The following ITGA10 variants were observed in gnomAD, a reference collection of about 807,000 sequenced individuals.
ITGA10 encodes the protein integrin alpha-10.
A neutral mutation model predicts 145.2 loss-of-function variants in ITGA10; 105 were observed. That is an observed-to-expected ratio of 0.72 (90% confidence interval 0.62 to 0.85). ITGA10 has a LOEUF of 0.85. ITGA10 is among the 40% of genes least tolerant of loss of function. The pLI is 0.00. For missense variants in ITGA10, 1,317 were observed against 1,444.5 expected (o/e 0.91, Z 1.43); for synonymous variants, 506 against 557.8 (o/e 0.91, Z 1.31).
At chr1:145,893,463 A>T in intron 28 of ITGA10, 77 bp downstream of exon 28, 1 of 1,222,060 alleles carries the variant, frequency 8.2e-7, no homozygotes, top group East Asian at 2.5e-5. Flanking sequence ...CTTCGTTCTG[A>T]AAAAGCCCAC....
In ITGA10 at chr1:145,893,553, G is replaced by A. The variant is rs1048665297; in HGVS notation, c.3311C>T (p.Ser1104Phe). The change falls in exon 28 of 30, where the codon TCC (serine) becomes TTC (phenylalanine). Residue 1104 changes from serine (S) to phenylalanine (F), a missense_variant. Physicochemically the swap from Ser to Phe is radical, Grantham distance 155. Transcript: ENST00000369304. ...EGSVLQLTEA[S>F]RWSESLLEVV... ...CTCCAGCCCTACCTCACTCCAACGG[G>A]AGGCTTCAGTCAGCTGTAGGACACT... The A allele has an allele frequency of 1.9e-6, 3 of 1,611,446 alleles. No individual in the cohort carries two copies. The highest frequency in any genetic ancestry group is 1.3e-5 in the African/African-American group (1 of 74,940).
intron 7 of ITGA10, among the ~76,000 whole-genome samples, chr1:145,903,627 C>G (rs974408315): frequency 6.6e-6 from 1 of 151,694 alleles, no homozygotes; most frequent in Non-Finnish European, 1.5e-5. Flanking sequence ...GCACTCCAAA[C>G]CTGCCCTAAC....
At position 145,891,597 on chromosome 1, in the gene ITGA10, T is replaced by C. The variant is rs1174769503; in HGVS notation, c.*1201A>G. On this transcript the variant is annotated 3_prime_UTR_variant, in exon 30 of 30. Transcript: ENST00000369304. Reference sequence around the variant, plus strand: ...GAGTGGGTTGGGGAGGGATCAGAGATAGAAATTAACCTGGAGATTTCCAGT... The same window carrying C: ...GAGTGGGTTGGGGAGGGATCAGAGACAGAAATTAACCTGGAGATTTCCAGT... 3.3e-5 allele frequency: 5 copies of C among 152,290 alleles called. No individual in the cohort carries two copies. Among genetic ancestry groups the C allele is most frequent in the Admixed American group, 1.3e-4 (2 of 15,266 alleles). The allele number at this position is 152,290 out of a possible 1,614,324, so 9.4% of individuals were successfully genotyped here. A position where few individuals can be genotyped will look rare whatever the true frequency, so the allele number is the denominator to read the frequency against.
chr1:145,903,500 G>A (rs1222275734), intron 7 of ITGA10, among the ~76,000 whole-genome samples: 1 of 152,130 alleles, frequency 6.6e-6, no homozygotes. Context: ...CACAGACATA[G>A]ATACTTTGTA....
intron 17 of ITGA10, 108 bp from the exon 18 acceptor site, chr1:145,898,331 A>G (rs1655734935): frequency 1.9e-6 from 1 of 519,322 alleles, no homozygotes; most frequent in Non-Finnish European, 3.5e-6. Flanking sequence ...TAAGATCTTA[A>G]CTGTATTACT....
chr1:145,907,689 G>A, intron 1 of ITGA10: 1 of 655,734 alleles, frequency 1.5e-6, no homozygotes, highest in Non-Finnish European at 1.9e-6. Flanking sequence ...CTGCCATGCT[G>A]ATGTACAGCT....
In ITGA10 at chr1:145,902,796, A is replaced by G. The variant is rs1559206755; in HGVS notation, c.909+15T>C. The G allele has an allele frequency of 6.3e-7, 1 of 1,599,988 alleles. No individual in the cohort carries two copies. Among genetic ancestry groups the G allele is most frequent in the Non-Finnish European group, 8.5e-7 (1 of 1,173,366 alleles). On this transcript the variant is annotated intron_variant, in intron 8 of 29. Transcript: ENST00000369304. ...GCCACTCCCCAACTCTTCCAGATCC[A>G]GGGTGAATTCTCACTGCAATCCCAT...
chr1:145,900,112 C>T lies in ITGA10; in HGVS notation c.1867G>A (p.Gly623Arg), dbSNP rs1553747458. Residue 623 changes from glycine to arginine, a missense_variant, in exon 15 of 30, where the codon GGA becomes AGA. Transcript: ENST00000369304. ...ACAGCCACATCGACCAGATCATCTC[C>T]ATCCAGATCTAGCCGACCATCCACA... ...RSVDGRLDLD[G>R]DDLVDVAVGA... 6.2e-7 allele frequency: 1 copy of T among 1,613,988 alleles called. No individual in the cohort carries two copies. The highest frequency in any genetic ancestry group is 1.7e-5 in the Admixed American group (1 of 59,998).
chr1:145,904,154 A>G lies in ITGA10; in HGVS notation c.656T>C (p.Leu219Pro), dbSNP rs782677332. The G allele has an allele frequency of 6.2e-7, 1 of 1,614,142 alleles. No homozygotes were observed. Among genetic ancestry groups the G allele is most frequent in the Admixed American group, 1.7e-5 (1 of 60,018 alleles). Residue 219 changes from leucine (L) to proline (P), a missense_variant, in exon 7 of 30, where the codon CTG becomes CCG. Coordinates refer to ENST00000369304, the MANE Select transcript of ITGA10 (RefSeq NM_003637.5). ...TTCTTCCTTCGTTCGGAAATCTCCCAGGGACCACTCATGTACAGGGCTCTC... is the reference window on the plus strand; with the variant it reads ...TTCTTCCTTCGTTCGGAAATCTCCCGGGGACCACTCATGTACAGGGCTCTC... ...YGESPVHEWS[L>P]GDFRTKEEVV...
At chr1:145,906,209 G>A in intron 5 of ITGA10, 185 bp downstream of exon 5, 1 of 541,066 alleles carries the variant, frequency 1.8e-6, no homozygotes. Flanking sequence ...AATTACAGGT[G>A]TGGGCCACCA....
rs2101816482 is a variant in ITGA10 at position 145,904,148 on chromosome 1, T to C, written c.662A>G (p.Asp221Gly). Residue 221 changes from aspartate to glycine, a missense_variant, in exon 7 of 30, where the codon GAT becomes GGT. Physicochemically the swap from Asp to Gly is moderately conservative, Grantham distance 94 (BLOSUM62 -1). Coordinates refer to ENST00000369304, the MANE Select transcript of ITGA10 (RefSeq NM_003637.5). ...CACCACTTCTTCCTTCGTTCGGAAATCTCCCAGGGACCACTCATGTACAGG... is the reference window on the plus strand; with the variant it reads ...CACCACTTCTTCCTTCGTTCGGAAACCTCCCAGGGACCACTCATGTACAGG... Reference protein sequence around the residue: ...ESPVHEWSLGDFRTKEEVVRA... With the variant: ...ESPVHEWSLGGFRTKEEVVRA... 6.2e-7 allele frequency: 1 copy of C among 1,614,100 alleles called. No individual in the cohort carries two copies.
Position 145,901,885 on chromosome 1 carries a change from G to C in ITGA10, c.1286C>G (p.Ala429Gly). ...AACTCTCTGCTGCTCACCCAGGTAG[G>C]CTGCATGGTTCTGCAATGCAGGGGG... ...EFPPALQNHA[A>G]YLGYSVSSML... is the part of the protein sequence containing the mutation. The change falls in exon 11 of 30, where the codon GCC (alanine) becomes GGC (glycine). Residue 429 changes from alanine to glycine, a missense_variant. Transcript: ENST00000369304. The surrounding 1 kb of genome is among the most constrained non-coding windows in gnomAD (Gnocchi z 4.3). 2.5e-6 allele frequency: 4 copies of C among 1,614,136 alleles called. No individual in the cohort carries two copies. Among genetic ancestry groups the C allele is most frequent in the Middle Eastern group, 1.6e-4 (1 of 6,062 alleles).
Position 145,900,844 on chromosome 1 carries a change from T to C in ITGA10, c.1737A>G (p.Gly579=). The change falls in exon 14 of 30, where the codon GGA becomes GGG. Residue 579 remains glycine (G), a synonymous_variant. Coordinates refer to ENST00000369304, the MANE Select transcript of ITGA10 (RefSeq NM_003637.5). ...GGGTTCCATGGTACAGGTACAGTGCTCCCTGGTGCCCATCTTCCAGAGGCG... is the reference window on the plus strand; with the variant it reads ...GGGTTCCATGGTACAGGTACAGTGCCCCCTGGTGCCCATCTTCCAGAGGCG... ...VGAPLEDGHQ[G]ALYLYHGTQS... is the part of the protein sequence containing the mutation. 1.2e-6 allele frequency: 2 copies of C among 1,614,078 alleles called. No homozygotes were observed. Among genetic ancestry groups the C allele is most frequent in the Non-Finnish European group, 1.7e-6 (2 of 1,180,032 alleles).
In ITGA10 at chr1:145,897,257, G is replaced by A. The variant is rs782046505; in HGVS notation, c.2657C>T (p.Thr886Ile). Residue 886 changes from threonine to isoleucine, a missense_variant, in exon 21 of 30, where the codon ACT (threonine) becomes ATT (isoleucine). Transcript: ENST00000369304. ...LCSVGHPVFQTGAKVTFLLEF... is the reference protein window; with the variant it reads ...LCSVGHPVFQIGAKVTFLLEF... ...TAGACCCCAACCCACCTTGGCTCCA[G>A]TCTGGAAGACAGGATGCCCCACACT... is the stretch of plus-strand genomic sequence containing the variant. The A allele has an allele frequency of 6.2e-7, 1 of 1,614,064 alleles. No homozygotes were observed. The highest frequency in any genetic ancestry group is 8.5e-7 in the Non-Finnish European group (1 of 1,179,996).
rs1656031280 is a variant in ITGA10 at position 145,900,077 on chromosome 1, CT to C, written c.1901del (p.Gln634ArgfsTer15). On this transcript the variant is annotated frameshift_variant, in exon 15 of 30. Coordinates refer to ENST00000369304, the MANE Select transcript of ITGA10 (RefSeq NM_003637.5). LOFTEE classifies it high-confidence loss of function. ...DDLVDVAVGA[Q>X]GAAILLSSRP... is the part of the protein sequence containing the mutation. ...CTCACCTGAGCAGGATGGCTGCCCC[CT>C]GGGCACCCACAGCCACATCGACCAG... The C allele has an allele frequency of 2.5e-6, 4 of 1,613,900 alleles. No homozygotes were observed. In the East Asian group the frequency reaches 8.9e-5, roughly 36 times the overall value.
In ITGA10 at chr1:145,901,174, G is replaced by A. The variant is rs145340385; in HGVS notation, c.1548C>T (p.Asn516=). Residue 516 remains asparagine, a synonymous_variant, in exon 13 of 30, where the codon AAC becomes AAT. Transcript: ENST00000369304. The surrounding 1 kb of genome is among the most constrained non-coding windows in gnomAD (Gnocchi z 4.3). ...VAAPMFLGPQ[N]KETGRVYVYL... ...ACACATAAACACGTCCTGTTTCCTT[G>A]TTCTGGGGTCCCAGGAACATGGGGG... is the stretch of plus-strand genomic sequence containing the variant. 1.9e-5 allele frequency: 30 copies of A among 1,614,042 alleles called. No homozygotes were observed. The African/African-American group carries it at 3.3e-4, about 18-fold the overall frequency.
At chr1:145,902,131 A>G in intron 10 of ITGA10, 110 bp from the exon 11 acceptor site, 1 of 1,569,072 alleles carries the variant, frequency 6.4e-7, no homozygotes, top group Non-Finnish European at 8.7e-7. Context: ...TCAGTTGGAA[A>G]GGCATGGGAA....
intron 17 of ITGA10, 47 bp downstream of exon 17, chr1:145,898,886 TCTC>T: frequency 6.4e-7 from 1 of 1,572,424 alleles, no homozygotes; most frequent in Non-Finnish European, 8.6e-7. Context: ...GACCCAGCTT[TCTC>T]CTCATTCTCA....
chr1:145,894,078 C>G (rs16827014), intron 27 of ITGA10, among the ~76,000 whole-genome samples: 2,345 of 148,616 alleles, frequency 0.016, 58 homozygotes, highest in African/African-American at 0.054. Flanking sequence ...GTCCTTAGTG[C>G]CTACTAGATA....
Sources: gnomAD v4.1 joint callset for allele counts (sites outside exome capture counted in the v4.1 genomes callset) on GRCh38, gnomAD v4.1.1 for gene constraint, Gnocchi (gnomAD v3.1) non-coding constraint, MANE v1.5 for transcripts, NCBI Gene and HGNC (gene_info 2026-07-23, HGNC 2026-07-21) for gene names.